The following NIBAN1 variants were observed in gnomAD, a reference collection of about 807,000 sequenced individuals.
NIBAN1 encodes the protein niban apoptosis regulator 1.
In NIBAN1, 81 loss-of-function variants were observed where a neutral mutation model predicts 75.1. The ratio of observed to expected loss-of-function variants is 1.08; its 90% CI spans 0.90 to 1.30. The LOEUF (loss-of-function observed/expected upper bound fraction) is 1.30. NIBAN1 is among the 50% of genes most tolerant of loss of function. NIBAN1 has a pLI of 0.00. For missense variants in NIBAN1, 1,133 were observed against 1,128.1 expected, an observed-to-expected ratio of 1.00 and a Z score of -0.06; for synonymous variants, 436 against 424.8, an observed-to-expected ratio of 1.03 and a Z score of -0.32.
chr1:184,835,275 G>A (rs1034334286), intron 5 of NIBAN1, among the ~76,000 whole-genome samples: 6 of 152,188 alleles, frequency 3.9e-5, no homozygotes, highest in African/African-American at 1.2e-4. Flanking sequence ...GTCAGGTAGC[G>A]TGACGCCTCC....
intron 1 of NIBAN1, among the ~76,000 whole-genome samples, chr1:184,930,846 T>C (rs978755782): frequency 4.6e-5 from 7 of 152,148 alleles, no homozygotes; most frequent in African/African-American, 1.7e-4. Context: ...GACACATTAG[T>C]GTACATCATA....
chr1:184,927,814 T>G (rs1213685458), intron 1 of NIBAN1, among the ~76,000 whole-genome samples: 1 of 151,914 alleles, frequency 6.6e-6, no homozygotes. Flanking sequence ...TCAGAAACCT[T>G]AGGAATCTAC....
intron 4 of NIBAN1, among the ~76,000 whole-genome samples, chr1:184,888,976 C>T (rs2101975364): frequency 6.6e-6 from 1 of 152,316 alleles, no homozygotes; most frequent in African/African-American, 2.4e-5. Flanking sequence ...CTATGTTAAG[C>T]ACTCAGCACC....
intron 5 of NIBAN1, among the ~76,000 whole-genome samples, chr1:184,837,794 A>G (rs1655178316): frequency 4.6e-5 from 7 of 152,198 alleles, no homozygotes; most frequent in Admixed American, 4.6e-4. Flanking sequence ...CCCTTTCAGA[A>G]CAAAATAGAC....
In NIBAN1 at chr1:184,831,947, A is replaced by G. The variant is rs113836372; in HGVS notation, c.617T>C (p.Met206Thr). The change falls in exon 6 of 14, where the codon ATG becomes ACG. Residue 206 changes from methionine (M) to threonine (T), a missense_variant. Met to Thr is a moderately conservative substitution (Grantham distance 81). Coordinates refer to ENST00000367511, the MANE Select transcript of NIBAN1 (RefSeq NM_052966.4). ...TAAAAAGGCTTGGGCTTCAAATGTC[A>G]TCTGCTTCATGTAATCTAAAGAAAA... is the stretch of plus-strand genomic sequence containing the variant. ...RHLNHDYMKQ[M>T]TFEAQAFLEA... The G allele has an allele frequency of 1.2e-6, 2 of 1,613,274 alleles. No homozygotes were observed. The highest frequency in any genetic ancestry group is 2.7e-5 in the African/African-American group (2 of 74,902).
chr1:184,818,803 C>T lies in NIBAN1; in HGVS notation c.1008G>A (p.Glu336=), dbSNP rs771987531. 21 of 1,594,596 alleles carry T rather than the reference C, an allele frequency of 1.3e-5. No individual in the cohort carries two copies. In the South Asian group the frequency reaches 1.9e-4, roughly 14 times the overall value. ...GCTGCACACTCTCCAAGCAGCTTTT[C>T]TCCGCCGGCTGGGCCACCATCGCTG... ...KIKAMVAQPA[E]KSCLESVQPF... Residue 336 remains glutamate, a synonymous_variant, in exon 9 of 14, where the codon GAG becomes GAA. Transcript: ENST00000367511.
chr1:184,925,165 C>T (rs1207559206), intron 1 of NIBAN1, among the ~76,000 whole-genome samples: 1 of 151,936 alleles, frequency 6.6e-6, no homozygotes, highest in East Asian at 1.9e-4. Flanking sequence ...AAAATGACCC[C>T]TTTTGTCTCT....
intron 1 of NIBAN1, among the ~76,000 whole-genome samples, chr1:184,958,099 A>G (rs1658535317): frequency 6.6e-6 from 1 of 152,038 alleles, no homozygotes; most frequent in Admixed American, 6.6e-5. Flanking sequence ...TGGCACAGTG[A>G]CTCACGCCTG....
chr1:184,891,008 A>G (rs1656653816), intron 3 of NIBAN1, among the ~76,000 whole-genome samples: 1 of 152,236 alleles, frequency 6.6e-6, no homozygotes, highest in South Asian at 2.1e-4. Context: ...GAGAATTGAA[A>G]CTAAGAAAGT....
At chr1:184,921,746 A>G (rs1419350297) in intron 1 of NIBAN1, among the ~76,000 whole-genome samples, 1 of 152,232 alleles carries the variant, frequency 6.6e-6, no homozygotes, top group African/African-American at 2.4e-5. Flanking sequence ...CAAGAGGAGC[A>G]GTCAATCAAT....
chr1:184,841,276 A>G (rs564474762), intron 5 of NIBAN1, among the ~76,000 whole-genome samples: 4 of 152,284 alleles, frequency 2.6e-5, no homozygotes, highest in South Asian at 4.1e-4. Context: ...AAAAAACCCC[A>G]AACCCTGGGG....
Position 184,867,902 on chromosome 1 carries a change from C to T in NIBAN1, c.601+16731G>A, listed in dbSNP as rs998327844. 21 of 985,436 alleles carry T rather than the reference C, an allele frequency of 2.1e-5. 1 individual carries two copies. The highest frequency in any genetic ancestry group is 1.4e-4 in the African/African-American group (8 of 57,352). The allele number at this position is 985,436 out of a possible 1,614,324, so 61.0% of individuals were successfully genotyped here. On this transcript the variant is annotated intron_variant, in intron 5 of 13. Coordinates refer to ENST00000367511, the MANE Select transcript of NIBAN1 (RefSeq NM_052966.4). The stretch of plus-strand genomic sequence containing the variant: ...CTTTTGTTCCAGCTTTTGTCTACCC[C>T]GTCACTTAAAGTGTCCCGTGTCACA...
In NIBAN1 at chr1:184,974,421, G is replaced by T. The variant is rs1336055953; in HGVS notation, c.-65C>A. On this transcript the variant is annotated 5_prime_UTR_variant, in exon 1 of 14. Coordinates refer to ENST00000367511, the MANE Select transcript of NIBAN1 (RefSeq NM_052966.4). ...TCCGCGCCCGCTGCTAGCTCCTGGA[G>T]GTTGATCCGACGGCGAACCCGGCTC... is the stretch of plus-strand genomic sequence containing the variant. 6.6e-7 allele frequency: 1 copy of T among 1,510,122 alleles called. No homozygotes were observed. The highest frequency in any genetic ancestry group is 8.8e-7 in the Non-Finnish European group (1 of 1,133,418). The allele number at this position is 1,510,122 out of a possible 1,614,324, so 93.5% of individuals were successfully genotyped here.
In NIBAN1 at chr1:184,967,921, C is replaced by CAAAATCCTTCAT. The variant is rs1571613199; in HGVS notation, c.55+6380_55+6381insATGAAGGATTTT. On this transcript the variant is annotated intron_variant, in intron 1 of 13. Transcript: ENST00000367511. ...GTTGACTCTTAGAAATCACAACTCA[C>CAAAATCCTTCAT]GGCCGGGCGCGGTGGCTCACGCCTG... Among the ~76,000 whole-genome samples, 25 of 74,554 alleles carry CAAAATCCTTCAT rather than the reference C, an allele frequency of 3.4e-4. 1 individual carries two copies. Among genetic ancestry groups the CAAAATCCTTCAT allele is most frequent in the African/African-American group, 9.9e-4 (22 of 22,290 alleles). 48.9% of individuals were successfully genotyped at this position (74,554 alleles called of 152,430 possible). A position where few individuals can be genotyped will look rare whatever the true frequency, so the allele number is the denominator to read the frequency against.
intron 5 of NIBAN1, among the ~76,000 whole-genome samples, chr1:184,876,799 C>G (rs1015264339): frequency 6.6e-6 from 1 of 152,226 alleles, no homozygotes; most frequent in East Asian, 1.9e-4. Context: ...TTTACAGGCA[C>G]GCTCTGCCAA....
At chr1:184,880,454 C>G (rs1188871144) in intron 5 of NIBAN1, among the ~76,000 whole-genome samples, 1 of 152,192 alleles carries the variant, frequency 6.6e-6, no homozygotes, top group African/African-American at 2.4e-5. Flanking sequence ...TCCTAATATG[C>G]ATCACAAAGC....
chr1:184,884,106 G>A (rs1246741035), intron 5 of NIBAN1, among the ~76,000 whole-genome samples: 3 of 152,048 alleles, frequency 2.0e-5, no homozygotes, highest in Non-Finnish European at 2.9e-5. Flanking sequence ...TGCTTCACCG[G>A]GGCCTCCCAG....
At chr1:184,961,057 CTTTTTTTTT>C (rs1168955438) in intron 1 of NIBAN1, among the ~76,000 whole-genome samples, 1 of 57,810 alleles carries the variant, frequency 1.7e-5, no homozygotes, top group Non-Finnish European at 3.1e-5. Flanking sequence ...ATATGCCGTT[CTTTTTTTTT>C]TTTTTTTTTT....
intron 1 of NIBAN1, among the ~76,000 whole-genome samples, chr1:184,925,605 G>A (rs1014890362): frequency 2.0e-5 from 3 of 151,006 alleles, no homozygotes; most frequent in Non-Finnish European, 2.9e-5. Context: ...AGGCTACCAT[G>A]AGGCTTGCAA....
Sources: allele counts gnomAD v4.1 joint callset (sites outside exome capture counted in the v4.1 genomes callset), GRCh38; gene constraint gnomAD v4.1.1; transcripts MANE v1.5; gene names NCBI Gene and HGNC (gene_info 2026-07-23, HGNC 2026-07-21).